Variants in PWWP2A observed in about 807,000 individuals in gnomAD.
PWWP2A encodes PWWP domain-containing protein 2A.
Under a neutral mutation model 48.5 loss-of-function variants are expected in PWWP2A, and 18 were observed. That is an observed-to-expected ratio of 0.37 (90% CI 0.26 to 0.55). PWWP2A has a LOEUF of 0.55. Ranked by LOEUF, PWWP2A falls within the 20% of genes least tolerant of loss-of-function variation. The probability of loss-of-function intolerance (pLI) is 0.81; values close to 1 mark genes in which losing one functional copy is unlikely to be tolerated. For missense variants in PWWP2A, 867 were observed against 976.4 expected, an observed-to-expected ratio of 0.89 and a Z score of 1.49; for synonymous variants, 396 against 387.7, an observed-to-expected ratio of 1.02 and a Z score of -0.25.
chr5:160,045,520 A>ACACACACACACACT, the PWWP2A span, among the ~76,000 whole-genome samples: 6 of 54,884 alleles, frequency 1.1e-4, no homozygotes, highest in Admixed American at 2.3e-4. Context: ...ACACATACAC[A>ACACACACACACACT]CTCTCTCTCT....
chr5:160,104,124 A>C (rs1180662702), intron 1 of PWWP2A, among the ~76,000 whole-genome samples: 13 of 144,690 alleles, frequency 9.0e-5, no homozygotes, highest in African/African-American at 3.2e-4. Flanking sequence ...CTCTGTCTCA[A>C]AAAAAAAAAA....
At chr5:160,049,603 G>T in the PWWP2A span, 1 of 1,611,764 alleles carries the variant, frequency 6.2e-7, no homozygotes, top group Non-Finnish European at 8.5e-7. Context: ...AGCCCTGGAA[G>T]ACTATAAATC....
intron 1 of PWWP2A, among the ~76,000 whole-genome samples, chr5:160,117,089 AAAATAAATAAAT>A (rs576504085): frequency 6.6e-6 from 1 of 152,076 alleles, no homozygotes; most frequent in Non-Finnish European, 1.5e-5. Flanking sequence ...CTCTGTCTCA[AAAATAAATAAAT>A]AAATAAATAA....
At chr5:160,046,268 GTCGT>G in the PWWP2A span, among the ~76,000 whole-genome samples, 3 of 152,110 alleles carry the variant, frequency 2.0e-5, no homozygotes, top group African/African-American at 7.2e-5. Flanking sequence ...GCTCAATTTA[GTCGT>G]TGCTTCTCTA....
intron 1 of PWWP2A, among the ~76,000 whole-genome samples, chr5:160,111,796 T>C (rs1429567916): frequency 1.3e-5 from 2 of 152,182 alleles, no homozygotes; most frequent in African/African-American, 2.4e-5. Context: ...ATTTAGACTA[T>C]TGTCATTAGA....
At position 160,093,882 on chromosome 5, in the gene PWWP2A, G is replaced by T; in HGVS notation, c.768C>A (p.Ser256Arg). Residue 256 changes from serine (S) to arginine (R), a missense_variant, in exon 2 of 2, where the codon AGC becomes AGA. This residue lies in a region of PWWP2A where 385 missense variants were observed against 396.9 expected (regional missense o/e 0.97). Coordinates refer to ENST00000307063, the MANE Select transcript of PWWP2A (RefSeq NM_001130864.2). This position sits in a 1 kb window ranked among gnomAD's most constrained non-coding sequence, Gnocchi z 5.8. Reference protein sequence around the residue: ...VPHPELSLAESLWTSKPPPLF... With the variant: ...VPHPELSLAERLWTSKPPPLF... ...GAGGTGGTGGTTTGGAAGTCCACAG[G>T]CTTTCAGCCAAGCTCAGCTCGGGAT... 1 of 1,614,088 alleles carries T rather than the reference G, an allele frequency of 6.2e-7. No individual in the cohort carries two copies. Among genetic ancestry groups the T allele is most frequent in the Non-Finnish European group, 8.5e-7 (1 of 1,179,912 alleles).
At chr5:160,057,632 T>C (rs1350657245), downstream of PWWP2A, among the ~76,000 whole-genome samples, 1 of 152,210 alleles carries the variant, frequency 6.6e-6, no homozygotes, top group East Asian at 1.9e-4. The surrounding 1 kb of genome is among the most constrained non-coding windows in gnomAD (Gnocchi z 4.4). Context: ...ATTTTTCCTT[T>C]CATGAAAGAT....
chr5:160,059,376 G>A (rs959724115), downstream of PWWP2A, among the ~76,000 whole-genome samples: 3 of 152,230 alleles, frequency 2.0e-5, no homozygotes, highest in Admixed American at 6.5e-5. Context: ...TAGGATTGAA[G>A]AAAGTTAGGG....
At chr5:160,116,817 G>A (rs1758188836) in intron 1 of PWWP2A, 2 of 984,282 alleles carry the variant, frequency 2.0e-6, no homozygotes, top group East Asian at 1.1e-4. Context: ...TAGAGGCCGG[G>A]CGAGGTGGCT....
At chr5:160,054,197 G>A in the PWWP2A span, among the ~76,000 whole-genome samples, 1 of 152,212 alleles carries the variant, frequency 6.6e-6, no homozygotes, top group Non-Finnish European at 1.5e-5. Context: ...AGTGTGATGA[G>A]ATGGAAATAG....
chr5:160,112,930 G>A (rs973199162), intron 1 of PWWP2A, among the ~76,000 whole-genome samples: 7 of 152,192 alleles, frequency 4.6e-5, no homozygotes, highest in Admixed American at 2.6e-4. Flanking sequence ...GGCCGAGGAG[G>A]AGGATTACCT....
chr5:160,092,005 CAT>C lies in PWWP2A; in HGVS notation c.*375_*376del. 4 of 290,614 alleles carry C rather than the reference CAT, an allele frequency of 1.4e-5. No homozygotes were observed. Among genetic ancestry groups the C allele is most frequent in the Non-Finnish European group, 1.6e-5 (4 of 245,982 alleles). 18.0% of individuals were successfully genotyped at this position (290,614 alleles called of 1,614,324 possible). A position where few individuals can be genotyped will look rare whatever the true frequency, so the allele number is the denominator to read the frequency against. On this transcript the variant is annotated 3_prime_UTR_variant, in exon 2 of 2. Coordinates refer to ENST00000307063, the MANE Select transcript of PWWP2A (RefSeq NM_001130864.2). ...ATACATATATATGTGTGTATATATA[CAT>C]ACACGGATATATATATATACACACA...
intron 2 of PWWP2A, among the ~76,000 whole-genome samples, chr5:160,083,236 G>A (rs1754371253): frequency 6.6e-6 from 1 of 152,162 alleles, no homozygotes; most frequent in Non-Finnish European, 1.5e-5. Context: ...ACACCAAGAT[G>A]TGCCACACTC....
the PWWP2A span, among the ~76,000 whole-genome samples, chr5:160,050,193 C>A: frequency 0.066 from 10,029 of 151,768 alleles, 373 homozygotes; most frequent in East Asian, 0.12. Flanking sequence ...CACGCCTGTA[C>A]TCCCAGCACT....
chr5:160,075,805 T>TAAAAAA (rs58558222), downstream of PWWP2A: 19 of 69,826 alleles, frequency 2.7e-4, 1 homozygote, highest in African/African-American at 9.1e-4. Context: ...ATTCTAATAG[T>TAAAAAA]AAAAAAAAAA....
chr5:160,114,015 A>C (rs1296053440), intron 1 of PWWP2A, among the ~76,000 whole-genome samples: 2 of 152,236 alleles, frequency 1.3e-5, no homozygotes, highest in Non-Finnish European at 2.9e-5. Context: ...GTTATAAAAA[A>C]ACTAAAGCAT....
Position 160,091,899 on chromosome 5 carries a change from C to G in PWWP2A, c.*483G>C, listed in dbSNP as rs1755097748. ...AAATATCCACTATTCCCCCAGCTCACCAAGCCCTTATTGCAATCCCAAATA... is the reference window on the plus strand; with the variant it reads ...AAATATCCACTATTCCCCCAGCTCAGCAAGCCCTTATTGCAATCCCAAATA... On this transcript the variant is annotated 3_prime_UTR_variant, in exon 2 of 2. Coordinates refer to ENST00000307063, the MANE Select transcript of PWWP2A (RefSeq NM_001130864.2). The G allele has an allele frequency of 1.0e-6, 1 of 984,542 alleles. No individual in the cohort carries two copies. Among genetic ancestry groups the G allele is most frequent in the Non-Finnish European group, 1.2e-6 (1 of 829,670 alleles). The allele number at this position is 984,542 out of a possible 1,614,324, so 61.0% of individuals were successfully genotyped here.
intron 2 of PWWP2A, among the ~76,000 whole-genome samples, chr5:160,083,864 G>C (rs1270863050): frequency 6.6e-6 from 1 of 152,102 alleles, no homozygotes; most frequent in African/African-American, 2.4e-5. Context: ...TAAATGAATG[G>C]GGCAAGAGTT....
intron 1 of PWWP2A, among the ~76,000 whole-genome samples, chr5:160,099,171 A>T (rs1234792034): frequency 6.6e-6 from 1 of 152,188 alleles, no homozygotes; most frequent in Non-Finnish European, 1.5e-5. Flanking sequence ...GCTCACCAAG[A>T]TTTTATTGAA....
Sources: allele counts gnomAD v4.1 joint callset (sites outside exome capture counted in the v4.1 genomes callset), GRCh38; gene constraint gnomAD v4.1.1; regional missense constraint gnomAD v4.1.1; non-coding constraint Gnocchi (gnomAD v3.1); transcripts MANE v1.5; gene names NCBI Gene and HGNC (gene_info 2026-07-23, HGNC 2026-07-21).